MAGI1: variants seen among roughly 807,000 people sequenced by gnomAD.
The protein encoded by MAGI1 is membrane associated guanylate kinase, WW and PDZ domain containing 1.
A neutral mutation model predicts 139.9 loss-of-function variants in MAGI1; 58 were observed. The ratio of observed to expected loss-of-function variants is 0.41; its 90% CI spans 0.34 to 0.52. MAGI1 has a LOEUF of 0.52. Among genes scored for constraint, MAGI1 ranks in the 20% least tolerant of loss-of-function variants. The probability of loss-of-function intolerance (pLI) is 0.12; values close to 1 mark genes in which losing one functional copy is unlikely to be tolerated. For synonymous variants in MAGI1, 812 were observed against 737.9 expected (o/e 1.10, Z -1.63); for missense variants, 1,874 against 1,901.6 (o/e 0.99, Z 0.27).
At chr3:65,635,912 T>A (rs537397612) in intron 1 of MAGI1, among the ~76,000 whole-genome samples, 1 of 152,318 alleles carries the variant, frequency 6.6e-6, no homozygotes, top group African/African-American at 2.4e-5. Context: ...CATTACAGTA[T>A]AGCATGCCAC....
intron 1 of MAGI1, among the ~76,000 whole-genome samples, chr3:65,778,456 G>T (rs1393891743): frequency 1.1e-5 from 1 of 95,214 alleles, no homozygotes; most frequent in Non-Finnish European, 2.3e-5. Flanking sequence ...AAATAAATAA[G>T]TCTTTTGAGA....
chr3:65,643,719 G>A (rs1395450258), intron 1 of MAGI1, among the ~76,000 whole-genome samples: 3 of 152,138 alleles, frequency 2.0e-5, no homozygotes, highest in Admixed American at 6.6e-5. Flanking sequence ...AGGGAAGAAG[G>A]AGGGAAACTG....
intron 1 of MAGI1, among the ~76,000 whole-genome samples, chr3:65,975,105 A>AC (rs1553741549): frequency 1.3e-4 from 20 of 150,472 alleles, no homozygotes; most frequent in African/African-American, 3.6e-4. Flanking sequence ...AAAAAAAAAA[A>AC]CAGTAAATAT....
intron 2 of MAGI1, among the ~76,000 whole-genome samples, chr3:65,619,628 T>C (rs970644129): frequency 6.6e-6 from 1 of 152,132 alleles, no homozygotes; most frequent in Admixed American, 6.6e-5. Context: ...GGCTTCCTAA[T>C]CCATTAGCAC....
intron 14 of MAGI1, among the ~76,000 whole-genome samples, chr3:65,385,780 C>G (rs550421218): frequency 2.0e-4 from 31 of 152,182 alleles, no homozygotes; most frequent in Non-Finnish European, 4.0e-4. Flanking sequence ...AGCTACTGCA[C>G]AGGACTCCCA....
intron 1 of MAGI1, among the ~76,000 whole-genome samples, chr3:65,911,429 T>A (rs2061666014): frequency 6.6e-6 from 1 of 152,082 alleles, no homozygotes; most frequent in Non-Finnish European, 1.5e-5. Flanking sequence ...AGCGTCCACC[T>A]TTCTGATCCC....
chr3:65,881,356 G>T (rs2060320195), intron 1 of MAGI1, among the ~76,000 whole-genome samples: 2 of 151,994 alleles, frequency 1.3e-5, no homozygotes, highest in African/African-American at 4.8e-5. Context: ...GCCAAGTGCA[G>T]TGGCTCACAC....
chr3:65,551,412 C>T (rs1383162720), intron 2 of MAGI1, among the ~76,000 whole-genome samples: 1 of 152,150 alleles, frequency 6.6e-6, no homozygotes, highest in Non-Finnish European at 1.5e-5. Context: ...GCGATTCTCA[C>T]GCCTCAGCTC....
At chr3:65,601,269 TG>T (rs1211423924) in intron 2 of MAGI1, among the ~76,000 whole-genome samples, 1 of 152,202 alleles carries the variant, frequency 6.6e-6, no homozygotes, top group Non-Finnish European at 1.5e-5. Flanking sequence ...ATAGTTTGTT[TG>T]TTTTTTTAAT....
intron 1 of MAGI1, among the ~76,000 whole-genome samples, chr3:65,667,833 G>C (rs1350573800): frequency 2.0e-5 from 3 of 151,932 alleles, no homozygotes; most frequent in Non-Finnish European, 4.4e-5. Flanking sequence ...CAAAGTGCTG[G>C]GATTACAGGC....
intron 1 of MAGI1, among the ~76,000 whole-genome samples, chr3:65,799,045 A>T (rs1431366978): frequency 1.3e-5 from 2 of 152,226 alleles, no homozygotes; most frequent in Non-Finnish European, 1.5e-5. Flanking sequence ...CTAGCAAGTC[A>T]AACAGCCAAA....
intron 2 of MAGI1, among the ~76,000 whole-genome samples, chr3:65,551,952 A>C (rs1463623390): frequency 6.6e-6 from 1 of 152,244 alleles, no homozygotes; most frequent in Non-Finnish European, 1.5e-5. Context: ...GGACTAGATA[A>C]GCCTGATGCT....
chr3:65,689,003 C>T (rs1410786187), intron 1 of MAGI1, among the ~76,000 whole-genome samples: 1 of 152,112 alleles, frequency 6.6e-6, no homozygotes, highest in East Asian at 1.9e-4. Flanking sequence ...AAATTTTCCT[C>T]GACTATGATT....
chr3:65,593,736 C>T (rs1197566581), intron 2 of MAGI1, among the ~76,000 whole-genome samples: 2 of 152,044 alleles, frequency 1.3e-5, no homozygotes, highest in South Asian at 2.1e-4. Context: ...CGTGTATTAC[C>T]TGCTAAGCAT....
At chr3:65,729,329 G>A (rs1159176841) in intron 1 of MAGI1, among the ~76,000 whole-genome samples, 1 of 152,086 alleles carries the variant, frequency 6.6e-6, no homozygotes, top group Non-Finnish European at 1.5e-5. Context: ...ATATTTCCTG[G>A]CTGAAAGTTC....
chr3:65,669,354 A>G (rs115271659), intron 1 of MAGI1, among the ~76,000 whole-genome samples: 2,287 of 152,314 alleles, frequency 0.015, 57 homozygotes, highest in African/African-American at 0.051. Context: ...GAGAGGAATG[A>G]GCAGGAAGGA....
At chr3:65,971,672 G>A (rs1003959206) in intron 1 of MAGI1, among the ~76,000 whole-genome samples, 5 of 152,126 alleles carry the variant, frequency 3.3e-5, no homozygotes, top group Admixed American at 6.5e-5. Context: ...ACAAAGACTC[G>A]TGAAGCAGAC....
chr3:65,834,230 G>C (rs559936347), intron 1 of MAGI1, among the ~76,000 whole-genome samples: 1 of 152,358 alleles, frequency 6.6e-6, no homozygotes, highest in African/African-American at 2.4e-5. Flanking sequence ...GGCTACTTTA[G>C]ATTGGGTAAT....
At chr3:65,605,691 A>T (rs938461186) in intron 2 of MAGI1, among the ~76,000 whole-genome samples, 2 of 152,186 alleles carry the variant, frequency 1.3e-5, no homozygotes, top group African/African-American at 4.8e-5. Context: ...TAAGTCTACA[A>T]TATCACACTT....
Sources: gnomAD v4.1 joint callset for allele counts (sites outside exome capture counted in the v4.1 genomes callset) on GRCh38, gnomAD v4.1.1 for gene constraint, MANE v1.5 for transcripts, NCBI Gene and HGNC (gene_info 2026-07-23, HGNC 2026-07-21) for gene names.